The following ASPRV1 variants were observed in gnomAD, a reference collection of about 807,000 sequenced individuals.
The protein encoded by ASPRV1 is retroviral-like aspartic protease 1.
A neutral mutation model predicts 11.0 loss-of-function variants in ASPRV1; 7 were observed. That is an observed-to-expected ratio of 0.64 (90% CI 0.36 to 1.20). The LOEUF (loss-of-function observed/expected upper bound fraction) is 1.20, where lower values mean the gene tolerates loss of function less well. Among genes scored for constraint, ASPRV1 ranks in the 50% most tolerant of loss-of-function variants. The probability of loss-of-function intolerance (pLI) is 0.02; values close to 1 mark genes in which losing one functional copy is unlikely to be tolerated. For missense variants in ASPRV1, 299 were observed against 320.0 expected (o/e 0.93, Z 0.50); for synonymous variants, 136 against 138.4 (o/e 0.98, Z 0.12).
chr2:70,064,617 A>G, the ASPRV1 span, among the ~76,000 whole-genome samples: 2 of 152,166 alleles, frequency 1.3e-5, no homozygotes, highest in Non-Finnish European at 2.9e-5. Context: ...AAGAAAGCAC[A>G]TCTAAAGAGA....
chr2:70,008,324 T>C, the ASPRV1 span, among the ~76,000 whole-genome samples: 1 of 152,130 alleles, frequency 6.6e-6, no homozygotes, highest in Non-Finnish European at 1.5e-5. Context: ...AGAAATCAAA[T>C]TTTAGTCTAT....
the ASPRV1 span, among the ~76,000 whole-genome samples, chr2:70,069,680 A>G: frequency 5.3e-5 from 8 of 152,158 alleles, no homozygotes; most frequent in Non-Finnish European, 1.2e-4. Flanking sequence ...GCTTGGCAAA[A>G]TTCCTGTCTC....
chr2:70,028,308 C>T, the ASPRV1 span: 16 of 152,074 alleles, frequency 1.1e-4, no homozygotes, highest in African/African-American at 3.9e-4. Flanking sequence ...TAGTATTACC[C>T]ACAATTGATT....
chr2:70,045,313 T>C, the ASPRV1 span: 1 of 152,230 alleles, frequency 6.6e-6, no homozygotes, highest in African/African-American at 2.4e-5. Flanking sequence ...CATAACTTCT[T>C]TGACTTTCAG....
chr2:70,077,678 A>ACC, the ASPRV1 span, among the ~76,000 whole-genome samples: 1 of 151,062 alleles, frequency 6.6e-6, no homozygotes, highest in African/African-American at 2.4e-5. Context: ...ACATGGTGAA[A>ACC]CCCCGCCTCT....
At chr2:69,951,240 T>C in the ASPRV1 span, among the ~76,000 whole-genome samples, 1 of 151,552 alleles carries the variant, frequency 6.6e-6, no homozygotes, top group Non-Finnish European at 1.5e-5. Flanking sequence ...CCTGGCCAAC[T>C]TGGTGAAACC....
the ASPRV1 span, among the ~76,000 whole-genome samples, chr2:70,086,685 G>A: frequency 6.6e-6 from 1 of 152,262 alleles, no homozygotes; most frequent in East Asian, 1.9e-4. Flanking sequence ...GTCGGAAAAG[G>A]GTGCCGCGGT....
the ASPRV1 span, among the ~76,000 whole-genome samples, chr2:69,945,805 T>A: frequency 6.6e-6 from 1 of 151,462 alleles, no homozygotes; most frequent in Non-Finnish European, 1.5e-5. Context: ...GGACTGGGGG[T>A]ATTGGAGCTA....
the ASPRV1 span, among the ~76,000 whole-genome samples, chr2:69,971,725 T>A: frequency 6.6e-6 from 1 of 152,202 alleles, no homozygotes; most frequent in Non-Finnish European, 1.5e-5. Flanking sequence ...CACAAGCCCT[T>A]GACATGTAGC....
At chr2:69,948,620 C>T in the ASPRV1 span, among the ~76,000 whole-genome samples, 1 of 152,170 alleles carries the variant, frequency 6.6e-6, no homozygotes, top group African/African-American at 2.4e-5. Context: ...GTGCTGAATA[C>T]CGCAGCTCGC....
At chr2:69,951,646 C>T in the ASPRV1 span, among the ~76,000 whole-genome samples, 7 of 151,072 alleles carry the variant, frequency 4.6e-5, no homozygotes, top group African/African-American at 1.5e-4. Context: ...CTGCTTTTCC[C>T]GCAAGCCTCA....
chr2:69,946,624 T>C, the ASPRV1 span, among the ~76,000 whole-genome samples: 1 of 152,170 alleles, frequency 6.6e-6, no homozygotes, highest in Non-Finnish European at 1.5e-5. Flanking sequence ...ATTTTCAGAA[T>C]ACAAAATTCC....
At chr2:69,971,493 G>A in the ASPRV1 span, among the ~76,000 whole-genome samples, 11 of 152,290 alleles carry the variant, frequency 7.2e-5, no homozygotes, top group South Asian at 2.1e-4. Flanking sequence ...GTTCTAAGGC[G>A]CAGGATCGTT....
the ASPRV1 span, among the ~76,000 whole-genome samples, chr2:70,023,652 C>G: frequency 1.4e-5 from 2 of 143,782 alleles, no homozygotes; most frequent in South Asian, 2.2e-4. Flanking sequence ...CCAGCCTGGG[C>G]AACGGAGCAA....
the ASPRV1 span, among the ~76,000 whole-genome samples, chr2:70,064,514 T>C: frequency 0.038 from 5,744 of 152,190 alleles, 370 homozygotes; most frequent in African/African-American, 0.13. Flanking sequence ...AGCTATAACT[T>C]AGATGATGAA....
the ASPRV1 span, among the ~76,000 whole-genome samples, chr2:70,027,504 A>G: frequency 1.3e-5 from 2 of 152,318 alleles, no homozygotes; most frequent in Admixed American, 1.3e-4. Flanking sequence ...TCAACCTAAG[A>G]GTCTATCAAC....
the ASPRV1 span, chr2:70,060,171 T>C: frequency 2.0e-5 from 3 of 151,216 alleles, no homozygotes; most frequent in South Asian, 4.2e-4. Context: ...GTAAAACCCA[T>C]GTTCACTAAA....
the ASPRV1 span, among the ~76,000 whole-genome samples, chr2:70,043,604 G>A: frequency 6.6e-6 from 1 of 152,226 alleles, no homozygotes; most frequent in African/African-American, 2.4e-5. Flanking sequence ...TCTTAGCATA[G>A]CTCATTGGGA....
chr2:70,074,788 A>G, the ASPRV1 span, among the ~76,000 whole-genome samples: 6 of 151,722 alleles, frequency 4.0e-5, no homozygotes, highest in South Asian at 2.1e-4. Context: ...CAGAGGTAAG[A>G]AAAGACTACA....
Sources: gnomAD v4.1 joint callset for allele counts (sites outside exome capture counted in the v4.1 genomes callset) on GRCh38, gnomAD v4.1.1 for gene constraint, MANE v1.5 for transcripts, NCBI Gene and HGNC (gene_info 2026-07-23, HGNC 2026-07-21) for gene names.